Variants in ACACA observed in about 807,000 individuals in gnomAD.
ACACA encodes the protein acetyl-CoA carboxylase alpha, also known as acetyl-CoA carboxylase 1.
A neutral mutation model predicts 296.1 loss-of-function variants in ACACA; 103 were observed. The observed-to-expected ratio is 0.35, with a 90% CI of 0.30 to 0.41. The LOEUF (loss-of-function observed/expected upper bound fraction) is 0.41, where lower values mean the gene tolerates loss of function less well. Ranked by LOEUF, ACACA falls within the 10% of genes least tolerant of loss-of-function variation. The pLI, the probability that ACACA is intolerant of heterozygous loss-of-function variation, is 1.00. For synonymous variants in ACACA, 953 were observed against 1,038.6 expected (o/e 0.92, Z 1.58); for missense variants, 1,554 against 2,989.7 (o/e 0.52, Z 11.20).
At chr17:37,206,391 C>T (rs901055529) in intron 32 of ACACA, among the ~76,000 whole-genome samples, 6 of 151,988 alleles carry the variant, frequency 3.9e-5, no homozygotes, top group Non-Finnish European at 7.4e-5. Flanking sequence ...CAACAAAATG[C>T]CTACTTTTTT....
chr17:37,103,869 T>C (rs2073510932), intron 52 of ACACA, among the ~76,000 whole-genome samples: 1 of 151,790 alleles, frequency 6.6e-6, no homozygotes, highest in African/African-American at 2.4e-5. Context: ...AGACCCTGTC[T>C]TTCCTCCTGC....
At chr17:37,344,210 CTTGAGCCCAGGAGT>C (rs1597658082) in intron 1 of ACACA, among the ~76,000 whole-genome samples, 1 of 152,094 alleles carries the variant, frequency 6.6e-6, no homozygotes, top group African/African-American at 2.4e-5. Flanking sequence ...AAGAGGATGG[CTTGAGCCCAGGAGT>C]TTGAGACCAG....
At chr17:37,311,972 A>G (rs1041232446) in intron 3 of ACACA, among the ~76,000 whole-genome samples, 3 of 152,060 alleles carry the variant, frequency 2.0e-5, no homozygotes, top group African/African-American at 7.2e-5. Context: ...ATGACCTCAG[A>G]TGGGCATGGT....
intron 3 of ACACA, among the ~76,000 whole-genome samples, chr17:37,302,798 T>A (rs1440106363): frequency 6.6e-6 from 1 of 152,246 alleles, no homozygotes; most frequent in African/African-American, 2.4e-5. Context: ...CCCTGTGATC[T>A]TGATAAACTC....
rs1041729194 is a variant in ACACA at position 37,406,455 on chromosome 17, G to A, written c.-156C>T. On this transcript the variant is annotated 5_prime_UTR_variant, in exon 1 of 56. Transcript: ENST00000616317. ...TGGTTCATCCACGAGCAGCCCTTCG[G>A]GGCCCGGACTGGAGAGGCGCCACGG... 96 of 802,876 alleles carry A rather than the reference G, an allele frequency of 1.2e-4. No homozygotes were observed. The East Asian group carries it at 2.1e-3, about 18-fold the overall frequency. 49.7% of individuals were successfully genotyped at this position (802,876 alleles called of 1,614,324 possible).
chr17:37,239,990 A>G (rs970425198), intron 24 of ACACA, among the ~76,000 whole-genome samples: 5 of 152,248 alleles, frequency 3.3e-5, no homozygotes, highest in African/African-American at 1.2e-4. Context: ...TTTATCATTT[A>G]GTGAAGCTCT....
intron 25 of ACACA, 110 bp downstream of exon 25, chr17:37,234,865 T>A: frequency 7.9e-7 from 1 of 1,263,946 alleles, no homozygotes; most frequent in Non-Finnish European, 1.1e-6. Context: ...ATTCATCCCA[T>A]AATTATAAAA....
intron 5 of ACACA, among the ~76,000 whole-genome samples, chr17:37,281,658 G>C (rs1324670211): frequency 1.3e-5 from 2 of 152,170 alleles, no homozygotes; most frequent in Non-Finnish European, 2.9e-5. Context: ...ACAAGGTCAA[G>C]ATACCGAGAC....
At chr17:37,100,562 A>G (rs905311470) in intron 52 of ACACA, among the ~76,000 whole-genome samples, 1 of 152,080 alleles carries the variant, frequency 6.6e-6, no homozygotes, top group Non-Finnish European at 1.5e-5. Flanking sequence ...TCCAGATTAA[A>G]AGAGACCAAA....
At chr17:37,164,851 A>G (rs1375769197) in intron 41 of ACACA, among the ~76,000 whole-genome samples, 1 of 152,238 alleles carries the variant, frequency 6.6e-6, no homozygotes, top group Non-Finnish European at 1.5e-5. Context: ...AGCAGCTTAG[A>G]TACAAGCCCT....
intron 14 of ACACA, 139 bp from the exon 15 acceptor site, chr17:37,253,175 G>T: frequency 2.5e-6 from 3 of 1,202,202 alleles, no homozygotes; most frequent in Non-Finnish European, 3.6e-6. Context: ...GGCGGATCAC[G>T]AAGTCAGGAG....
At chr17:37,390,408 C>T (rs1451236920) in intron 1 of ACACA, among the ~76,000 whole-genome samples, 1 of 133,186 alleles carries the variant, frequency 7.5e-6, no homozygotes, top group East Asian at 2.3e-4. Flanking sequence ...GCAGGTGGAT[C>T]ACGAGGTCAA....
intron 1 of ACACA, among the ~76,000 whole-genome samples, chr17:37,378,159 C>A (rs981495045): frequency 6.6e-6 from 1 of 152,114 alleles, no homozygotes; most frequent in East Asian, 1.9e-4. Flanking sequence ...TTATATTACT[C>A]AAATGGATGG....
chr17:37,348,894 A>G (rs2048753568), intron 1 of ACACA, among the ~76,000 whole-genome samples: 1 of 149,954 alleles, frequency 6.7e-6, no homozygotes, highest in South Asian at 2.1e-4. Context: ...GCTTACAGTG[A>G]GCCGAGATCG....
intron 3 of ACACA, among the ~76,000 whole-genome samples, chr17:37,322,483 G>C (rs2047401542): frequency 6.6e-6 from 1 of 152,182 alleles, no homozygotes; most frequent in African/African-American, 2.4e-5. Context: ...GGGTAGAGAA[G>C]GGCAGAGTCC....
intron 52 of ACACA, among the ~76,000 whole-genome samples, chr17:37,100,084 A>G (rs2142800126): frequency 6.6e-6 from 1 of 152,344 alleles, no homozygotes; most frequent in South Asian, 2.1e-4. Flanking sequence ...GAGAAGGGAA[A>G]GGGAACACTC....
At chr17:37,126,716 G>A (rs2074804666) in intron 47 of ACACA, among the ~76,000 whole-genome samples, 2 of 152,286 alleles carry the variant, frequency 1.3e-5, no homozygotes, top group South Asian at 4.1e-4. Context: ...TAAACAGGAT[G>A]GAGAGTGTTT....
chr17:37,314,634 CTTTTTTTTT>C (rs57554348), intron 3 of ACACA, among the ~76,000 whole-genome samples: 133 of 110,006 alleles, frequency 1.2e-3, no homozygotes, highest in African/African-American at 4.7e-3. Flanking sequence ...GGAATCCACA[CTTTTTTTTT>C]TTTTTTTTTT....
intron 3 of ACACA, among the ~76,000 whole-genome samples, chr17:37,300,563 T>C (rs1232987976): frequency 6.6e-6 from 1 of 152,160 alleles, no homozygotes; most frequent in South Asian, 2.1e-4. Context: ...TGAGAATATA[T>C]TAAGCTTCCA....
Sources: allele counts gnomAD v4.1 joint callset (sites outside exome capture counted in the v4.1 genomes callset), GRCh38; gene constraint gnomAD v4.1.1; transcripts MANE v1.5; gene names NCBI Gene and HGNC (gene_info 2026-07-23, HGNC 2026-07-21).